ANKS1B: variants seen among roughly 807,000 people sequenced by gnomAD.
ANKS1B encodes ankyrin repeat and sterile alpha motif domain-containing protein 1B.
A neutral mutation model predicts 148.3 loss-of-function variants in ANKS1B; 36 were observed. The ratio of observed to expected loss-of-function variants is 0.24; its 90% CI spans 0.19 to 0.32. The LOEUF (loss-of-function observed/expected upper bound fraction) is 0.32. Ranked by LOEUF, ANKS1B falls within the 10% of genes least tolerant of loss-of-function variation. ANKS1B has a pLI of 1.00. For missense variants in ANKS1B, 1,157 were observed against 1,542.6 expected (o/e 0.75, Z 4.19); for synonymous variants, 542 against 560.8 (o/e 0.97, Z 0.47).
At chr12:99,944,080 C>T (rs2094991429) in intron 1 of ANKS1B, among the ~76,000 whole-genome samples, 1 of 152,010 alleles carries the variant, frequency 6.6e-6, no homozygotes, top group African/African-American at 2.4e-5. Flanking sequence ...AGGTTATTTT[C>T]TCTTCATCAG....
chr12:99,483,559 C>T (rs1247806355), intron 10 of ANKS1B, among the ~76,000 whole-genome samples: 1 of 151,860 alleles, frequency 6.6e-6, no homozygotes, highest in African/African-American at 2.4e-5. Context: ...TTGGAAGTTT[C>T]AGTAGGATTG....
At chr12:99,763,469 A>G (rs1377421331) in intron 8 of ANKS1B, among the ~76,000 whole-genome samples, 2 of 152,140 alleles carry the variant, frequency 1.3e-5, no homozygotes, top group Non-Finnish European at 2.9e-5. Context: ...ACATGGACAC[A>G]AAGAGGGGAA....
At chr12:99,367,781 T>G (rs1224710215) in intron 12 of ANKS1B, among the ~76,000 whole-genome samples, 1 of 151,004 alleles carries the variant, frequency 6.6e-6, no homozygotes, top group African/African-American at 2.5e-5. Context: ...AGTATGTGTG[T>G]GTGCTTGTGT....
intron 9 of ANKS1B, among the ~76,000 whole-genome samples, chr12:99,591,344 C>T (rs1035084261): frequency 2.0e-5 from 3 of 150,786 alleles, no homozygotes; most frequent in Non-Finnish European, 4.4e-5. Context: ...TATTTTTTTC[C>T]AGGATAAAGA....
At chr12:98,823,963 A>T (rs2099224095) in intron 19 of ANKS1B, among the ~76,000 whole-genome samples, 1 of 152,240 alleles carries the variant, frequency 6.6e-6, no homozygotes. Flanking sequence ...CTTCTTTCCC[A>T]GACATGGCAA....
At chr12:98,949,104 C>T (rs1229131480) in intron 17 of ANKS1B, among the ~76,000 whole-genome samples, 2 of 151,834 alleles carry the variant, frequency 1.3e-5, no homozygotes, top group Non-Finnish European at 2.9e-5. Context: ...AGGCACGTGC[C>T]AACACACCCA....
intron 1 of ANKS1B, among the ~76,000 whole-genome samples, chr12:99,929,179 CCTATTG>C (rs2153806471): frequency 6.6e-6 from 1 of 152,278 alleles, no homozygotes; most frequent in East Asian, 1.9e-4. Flanking sequence ...AACCTCTTAT[CCTATTG>C]CAATGTTCTC....
chr12:98,929,710 A>C (rs999663499), intron 17 of ANKS1B, among the ~76,000 whole-genome samples: 2 of 152,108 alleles, frequency 1.3e-5, no homozygotes, highest in Non-Finnish European at 2.9e-5. Context: ...CAGGCTCTTC[A>C]ACAAAAGTTC....
intron 16 of ANKS1B, among the ~76,000 whole-genome samples, chr12:99,057,875 C>A (rs1309670970): frequency 6.6e-6 from 1 of 152,136 alleles, no homozygotes; most frequent in Non-Finnish European, 1.5e-5. Flanking sequence ...GTGGAGCAAA[C>A]CTAAATTTAA....
intron 8 of ANKS1B, among the ~76,000 whole-genome samples, chr12:99,771,025 T>A (rs1459547594): frequency 6.6e-6 from 1 of 152,000 alleles, no homozygotes; most frequent in African/African-American, 2.4e-5. Context: ...ACAAAAAAAA[T>A]TGAACATCTT....
chr12:99,504,937 A>G lies in ANKS1B; in HGVS notation c.1273-296T>C, dbSNP rs537295383. Among the ~76,000 whole-genome samples, 9 of 152,202 alleles carry G rather than the reference A, an allele frequency of 5.9e-5. No homozygotes were observed. The South Asian group carries it at 1.7e-3, about 28-fold the overall frequency. On this transcript the variant is annotated intron_variant, in intron 9 of 26. Coordinates refer to ENST00000683438, the MANE Select transcript of ANKS1B (RefSeq NM_001352186.2). ...ATAAACTGCTGGTTAACTAATCAAC[A>G]GTCATCCCCAAGACTCTACTCCTTT...
chr12:99,698,094 A>C (rs1239520638), intron 8 of ANKS1B, among the ~76,000 whole-genome samples: 1 of 152,130 alleles, frequency 6.6e-6, no homozygotes, highest in Non-Finnish European at 1.5e-5. Context: ...CTGTTTATAT[A>C]GTTTTGATGA....
chr12:99,400,106 T>C (rs1381249009), intron 11 of ANKS1B, among the ~76,000 whole-genome samples: 1 of 151,176 alleles, frequency 6.6e-6, no homozygotes, highest in Admixed American at 6.6e-5. Flanking sequence ...TGGTAATCAA[T>C]TTTGAAAGTT....
At chr12:99,566,791 T>C (rs2097399355) in intron 9 of ANKS1B, among the ~76,000 whole-genome samples, 2 of 152,138 alleles carry the variant, frequency 1.3e-5, no homozygotes, top group Non-Finnish European at 2.9e-5. Context: ...ATGAACTAAA[T>C]AAACATCTAT....
chr12:99,897,281 T>G (rs908321422), intron 1 of ANKS1B, among the ~76,000 whole-genome samples: 3 of 151,316 alleles, frequency 2.0e-5, no homozygotes, highest in South Asian at 2.1e-4. Context: ...ATAGCTTTTT[T>G]CAAAATTATA....
At chr12:99,131,694 T>C (rs980190831) in intron 15 of ANKS1B, among the ~76,000 whole-genome samples, 6 of 152,222 alleles carry the variant, frequency 3.9e-5, no homozygotes, top group Non-Finnish European at 8.8e-5. Context: ...TGGGAACATA[T>C]TTATTTTCTG....
intron 1 of ANKS1B, among the ~76,000 whole-genome samples, chr12:99,962,274 C>T (rs2095423142): frequency 1.3e-5 from 2 of 152,032 alleles, no homozygotes; most frequent in South Asian, 4.1e-4. Context: ...TTGCTCAACT[C>T]CCACTTATAA....
intron 8 of ANKS1B, among the ~76,000 whole-genome samples, chr12:99,660,409 G>C (rs1055495810): frequency 2.8e-5 from 4 of 145,174 alleles, no homozygotes; most frequent in African/African-American, 1.0e-4. Flanking sequence ...TGTTGTCCAG[G>C]CTGCAGTGCA....
chr12:99,000,791 C>T (rs1469762032), intron 17 of ANKS1B, among the ~76,000 whole-genome samples: 1 of 152,152 alleles, frequency 6.6e-6, no homozygotes, highest in Non-Finnish European at 1.5e-5. Flanking sequence ...ACCATTTATT[C>T]TACTCTCGCA....
Sources: allele counts gnomAD v4.1 joint callset (sites outside exome capture counted in the v4.1 genomes callset), GRCh38; gene constraint gnomAD v4.1.1; transcripts MANE v1.5; gene names NCBI Gene and HGNC (gene_info 2026-07-23, HGNC 2026-07-21).